The following ELF2 variants were observed in gnomAD, a reference collection of about 807,000 sequenced individuals.
ELF2 encodes the protein E74 like ETS transcription factor 2.
ELF2 carries 11 observed loss-of-function variants against 54.8 expected under a neutral mutation model. That is an observed-to-expected ratio of 0.20 (90% confidence interval 0.13 to 0.33). The LOEUF (loss-of-function observed/expected upper bound fraction) is 0.33, where lower values mean the gene tolerates loss of function less well. ELF2 is among the 10% of genes least tolerant of loss of function. ELF2 has a pLI of 1.00. For synonymous variants in ELF2, 203 were observed against 245.1 expected, an observed-to-expected ratio of 0.83 and a Z score of 1.61; for missense variants, 513 against 703.0, an observed-to-expected ratio of 0.73 and a Z score of 3.06.
chr4:139,129,079 C>G (rs907349033), intron 3 of ELF2, among the ~76,000 whole-genome samples: 2 of 152,144 alleles, frequency 1.3e-5, no homozygotes, highest in African/African-American at 4.8e-5. Flanking sequence ...GCTGGGATTA[C>G]AGGCATGTGC....
intron 4 of ELF2, among the ~76,000 whole-genome samples, chr4:139,086,470 T>G (rs1464709061): frequency 1.3e-5 from 2 of 152,248 alleles, no homozygotes; most frequent in Non-Finnish European, 2.9e-5. Context: ...TATTTTATAC[T>G]ACTGCTTAAA....
intron 4 of ELF2, among the ~76,000 whole-genome samples, chr4:139,112,920 T>G (rs1413703763): frequency 6.6e-6 from 1 of 151,644 alleles, no homozygotes; most frequent in African/African-American, 2.4e-5. Flanking sequence ...AAAAAATTTT[T>G]TAAGTCTCTC....
chr4:139,146,004 T>C (rs1348414611), intron 1 of ELF2, among the ~76,000 whole-genome samples: 2 of 152,186 alleles, frequency 1.3e-5, no homozygotes, highest in Non-Finnish European at 2.9e-5. Flanking sequence ...CTTTTCAACA[T>C]AGTACTTTAA....
chr4:139,081,345 A>C (rs1731084523), intron 4 of ELF2, among the ~76,000 whole-genome samples: 1 of 152,166 alleles, frequency 6.6e-6, no homozygotes, highest in Non-Finnish European at 1.5e-5. Context: ...AGAAAAGCAA[A>C]AGTATATTCG....
At chr4:139,127,934 C>T (rs1737090129) in intron 3 of ELF2, among the ~76,000 whole-genome samples, 1 of 148,920 alleles carries the variant, frequency 6.7e-6, no homozygotes, top group African/African-American at 2.5e-5. Context: ...CACTGCATTC[C>T]AGCCTGGCTG....
At chr4:139,114,521 C>G (rs1735328650) in intron 4 of ELF2, among the ~76,000 whole-genome samples, 1 of 138,288 alleles carries the variant, frequency 7.2e-6, no homozygotes, top group East Asian at 2.4e-4. Context: ...TGAGATCGCG[C>G]CACTGCACTC....
In ELF2 at chr4:139,060,665, G is replaced by A. The variant is rs374751253; in HGVS notation, c.816C>T (p.Tyr272=). The stretch of plus-strand genomic sequence containing the variant: ...CAACCTTTGCAAGAATTCCCCTTTG[G>A]TAGTAGTATCTGTAAGGGGAAAATG... ...ETMGRALRYY[Y]QRGILAKVEG... Residue 272 remains tyrosine, a synonymous_variant, in exon 9 of 10, where the codon TAC becomes TAT. Transcript: ENST00000686138. 3.2e-6 allele frequency: 5 copies of A among 1,587,054 alleles called. No homozygotes were observed. The highest frequency in any genetic ancestry group is 4.3e-6 in the Non-Finnish European group (5 of 1,166,748).
chr4:139,175,528 A>C (rs973742466), intron 1 of ELF2, among the ~76,000 whole-genome samples: 7 of 152,248 alleles, frequency 4.6e-5, no homozygotes, highest in Non-Finnish European at 8.8e-5. Context: ...AATGTAATTT[A>C]ATGGTTTCCA....
intron 4 of ELF2, among the ~76,000 whole-genome samples, chr4:139,082,587 C>T (rs1267938733): frequency 2.6e-5 from 4 of 152,176 alleles, no homozygotes. Flanking sequence ...ACCTAGAGCG[C>T]TTCCGTTAAA....
chr4:139,099,302 T>C (rs951371663), intron 4 of ELF2, among the ~76,000 whole-genome samples: 5 of 152,204 alleles, frequency 3.3e-5, no homozygotes, highest in African/African-American at 4.8e-5. Flanking sequence ...TTGGCAATCC[T>C]TTCTGGTTCA....
At chr4:139,113,937 TG>T (rs1297646016) in intron 4 of ELF2, among the ~76,000 whole-genome samples, 1 of 152,198 alleles carries the variant, frequency 6.6e-6, no homozygotes, top group African/African-American at 2.4e-5. Flanking sequence ...TCTTTGCTTT[TG>T]GCCACTATTT....
chr4:139,100,055 T>C (rs914491600), intron 4 of ELF2, among the ~76,000 whole-genome samples: 4 of 152,194 alleles, frequency 2.6e-5, no homozygotes, highest in African/African-American at 9.6e-5. Context: ...TACAATAATT[T>C]GTATTGTGAG....
intron 7 of ELF2, chr4:139,066,650 T>C (rs1380600497): frequency 6.7e-6 from 1 of 149,806 alleles, no homozygotes; most frequent in Admixed American, 6.7e-5. Context: ...ACTCTGGGAG[T>C]GTGAGGCCGG....
At chr4:139,095,185 ATTT>A (rs200556112) in intron 4 of ELF2, among the ~76,000 whole-genome samples, 1 of 139,992 alleles carries the variant, frequency 7.1e-6, no homozygotes. Context: ...TTTGCTATAG[ATTT>A]TTTTTTTTTT....
rs1738493172 is a variant in ELF2, at chr4:139,139,462, G to A, written c.-216C>T. ...CATCCTTCACTATTTTCACAACTTG[G>A]GAAGAGCTAAAATCTGAACCAGTAG... On this transcript the variant is annotated 5_prime_UTR_variant, in exon 2 of 10. Coordinates refer to ENST00000686138, the MANE Select transcript of ELF2 (RefSeq NM_001331036.3). 8.1e-7 allele frequency: 1 copy of A among 1,229,764 alleles called. No individual in the cohort carries two copies. The highest frequency in any genetic ancestry group is 1.6e-5 in the African/African-American group (1 of 64,424). 76.2% of individuals were successfully genotyped at this position (1,229,764 alleles called of 1,614,324 possible).
chr4:139,151,053 AAAG>A (rs1470843387), intron 1 of ELF2, among the ~76,000 whole-genome samples: 6 of 95,122 alleles, frequency 6.3e-5, no homozygotes, highest in Admixed American at 2.7e-4. Flanking sequence ...AGAAAGAAAG[AAAG>A]AAAGAAAGAA....
chr4:139,091,281 A>C (rs1043146754), intron 4 of ELF2, among the ~76,000 whole-genome samples: 15 of 150,416 alleles, frequency 1.0e-4, no homozygotes, highest in African/African-American at 3.8e-4. Context: ...AATCATAAAG[A>C]AACTAAGAAA....
At chr4:139,134,860 G>C (rs1004910765) in intron 3 of ELF2, among the ~76,000 whole-genome samples, 1 of 151,406 alleles carries the variant, frequency 6.6e-6, no homozygotes, top group Non-Finnish European at 1.5e-5. Flanking sequence ...ACTTCTCTTA[G>C]TATTAAATTA....
intron 1 of ELF2, among the ~76,000 whole-genome samples, chr4:139,144,836 A>G (rs1200519608): frequency 1.3e-5 from 2 of 152,186 alleles, no homozygotes; most frequent in Non-Finnish European, 2.9e-5. Flanking sequence ...CTGTGCTTAC[A>G]CCACACATGC....
Sources: gnomAD v4.1 joint callset for allele counts (sites outside exome capture counted in the v4.1 genomes callset) on GRCh38, gnomAD v4.1.1 for gene constraint, MANE v1.5 for transcripts, NCBI Gene and HGNC (gene_info 2026-07-23, HGNC 2026-07-21) for gene names.